KIF21A: variants seen among roughly 807,000 people sequenced by gnomAD.
KIF21A encodes the protein kinesin-like protein KIF21A.
Under a neutral mutation model 202.9 loss-of-function variants are expected in KIF21A, and 114 were observed. The observed-to-expected ratio is 0.56, with a 90% CI of 0.48 to 0.66. The LOEUF (loss-of-function observed/expected upper bound fraction) is 0.66. Ranked by LOEUF, KIF21A falls within the 30% of genes least tolerant of loss-of-function variation. KIF21A has a pLI of 0.00. For synonymous variants in KIF21A, 667 were observed against 670.8 expected, an observed-to-expected ratio of 0.99 and a Z score of 0.09; for missense variants, 1,677 against 1,994.9, an observed-to-expected ratio of 0.84 and a Z score of 3.04.
chr12:39,417,389 GACAAT>G (rs1453876528), intron 1 of KIF21A, among the ~76,000 whole-genome samples: 1 of 152,074 alleles, frequency 6.6e-6, no homozygotes, highest in East Asian at 1.9e-4. Flanking sequence ...CAATGATACT[GACAAT>G]TATAGCTTTT....
At chr12:39,428,726 G>A (rs1239940132) in intron 1 of KIF21A, among the ~76,000 whole-genome samples, 3 of 152,118 alleles carry the variant, frequency 2.0e-5, no homozygotes, top group Admixed American at 6.5e-5. Flanking sequence ...TTGGGAGGCC[G>A]AGGTGGGCGG....
chr12:39,340,507 C>A, intron 15 of KIF21A, 143 bp from the exon 16 acceptor site: 1 of 654,870 alleles, frequency 1.5e-6, no homozygotes, highest in Admixed American at 2.9e-5. Flanking sequence ...CAATCATTCT[C>A]TCTTTTATTA....
At chr12:39,405,859 A>T (rs146877393) in intron 1 of KIF21A, among the ~76,000 whole-genome samples, 1 of 152,244 alleles carries the variant, frequency 6.6e-6, no homozygotes, top group Non-Finnish European at 1.5e-5. Context: ...ATATGCAATA[A>T]GAAAAATAAT....
At chr12:39,407,837 T>C (rs1167453258) in intron 1 of KIF21A, among the ~76,000 whole-genome samples, 1 of 151,154 alleles carries the variant, frequency 6.6e-6, no homozygotes, top group Non-Finnish European at 1.5e-5. Context: ...AACAAAAATC[T>C]CTCTCAATTG....
chr12:39,415,336 T>G (rs967044072), intron 1 of KIF21A, among the ~76,000 whole-genome samples: 1 of 145,434 alleles, frequency 6.9e-6, no homozygotes, highest in Admixed American at 7.1e-5. Flanking sequence ...GCCTCCCGGG[T>G]TCACGCCATT....
intron 1 of KIF21A, among the ~76,000 whole-genome samples, chr12:39,397,153 A>T (rs764831457): frequency 6.6e-6 from 1 of 152,214 alleles, no homozygotes; most frequent in Non-Finnish European, 1.5e-5. Flanking sequence ...TTACTGAACT[A>T]TATACTTGCA....
chr12:39,370,489 G>A (rs570742676), intron 1 of KIF21A, among the ~76,000 whole-genome samples: 11 of 152,130 alleles, frequency 7.2e-5, no homozygotes, highest in African/African-American at 2.2e-4. Context: ...CCAAAATCAT[G>A]AACAAAGTAA....
At chr12:39,364,837 A>G (rs980982123) in intron 6 of KIF21A, among the ~76,000 whole-genome samples, 1 of 152,022 alleles carries the variant, frequency 6.6e-6, no homozygotes. Context: ...CCTGAAACAA[A>G]CCTCTTCTTC....
chr12:39,295,272 C>G (rs1213698052), intron 37 of KIF21A, among the ~76,000 whole-genome samples: 1 of 152,044 alleles, frequency 6.6e-6, no homozygotes, highest in Non-Finnish European at 1.5e-5. Context: ...TTCTGTTGCC[C>G]TCGCAGGTGA....
At chr12:39,363,033 T>G in intron 7 of KIF21A, 65 bp downstream of exon 7, 4 of 1,042,042 alleles carry the variant, frequency 3.8e-6, no homozygotes, top group Non-Finnish European at 4.5e-6. Flanking sequence ...TTATAAATCA[T>G]CTTACAAGCT....
At chr12:39,416,294 C>T (rs972227834) in intron 1 of KIF21A, among the ~76,000 whole-genome samples, 1 of 152,022 alleles carries the variant, frequency 6.6e-6, no homozygotes, top group African/African-American at 2.4e-5. Flanking sequence ...GATTAAAATG[C>T]TCAAGTAAAA....
chr12:39,358,097 G>T, intron 8 of KIF21A, 81 bp downstream of exon 8: 1 of 1,155,966 alleles, frequency 8.7e-7, no homozygotes, highest in Non-Finnish European at 1.3e-6. Context: ...CCAGAAACAC[G>T]TATGTGTAAG....
At chr12:39,419,656 T>C (rs888224313) in intron 1 of KIF21A, among the ~76,000 whole-genome samples, 3 of 152,126 alleles carry the variant, frequency 2.0e-5, no homozygotes, top group Non-Finnish European at 1.5e-5. Flanking sequence ...CCTTCAACCA[T>C]AAGCCCTTTA....
At chr12:39,375,967 A>G (rs1419469153) in intron 1 of KIF21A, among the ~76,000 whole-genome samples, 2 of 152,146 alleles carry the variant, frequency 1.3e-5, no homozygotes, top group Non-Finnish European at 2.9e-5. Context: ...TGTTGTTACA[A>G]CACCACCTGA....
In KIF21A at chr12:39,330,780, A is replaced by G; in HGVS notation, c.3285T>C (p.Pro1095=). The change falls in exon 23 of 38, where the codon CCT becomes CCC. Residue 1095 remains proline, a synonymous_variant. Transcript: ENST00000361418. Reference sequence around the variant, plus strand: ...CATGGCCTAGTAAAGCATCTAGCTCAGGATTTAATTCTGCCTTCTCTTTCA... The same window carrying G: ...CATGGCCTAGTAAAGCATCTAGCTCGGGATTTAATTCTGCCTTCTCTTTCA... ...HMLKEKAELN[P]ELDALLGHAL... 6.2e-7 allele frequency: 1 copy of G among 1,614,040 alleles called. No individual in the cohort carries two copies. The highest frequency in any genetic ancestry group is 1.1e-5 in the South Asian group (1 of 91,086).
chr12:39,335,723 T>C (rs1000196441), intron 17 of KIF21A, among the ~76,000 whole-genome samples: 5 of 152,328 alleles, frequency 3.3e-5, no homozygotes, highest in Non-Finnish European at 7.3e-5. Flanking sequence ...ATAGGCAATA[T>C]GTTAGAATGT....
intron 22 of KIF21A, among the ~76,000 whole-genome samples, chr12:39,331,467 T>C (rs187127797): frequency 2.0e-5 from 3 of 152,326 alleles, no homozygotes; most frequent in African/African-American, 4.8e-5. Context: ...CTTTAAGTTG[T>C]TTATCTGCTC....
At chr12:39,346,141 T>A (rs11171794) in intron 12 of KIF21A, among the ~76,000 whole-genome samples, 1 of 152,118 alleles carries the variant, frequency 6.6e-6, no homozygotes, top group East Asian at 1.9e-4. Flanking sequence ...TTTCTTTTTT[T>A]AATAAATCAA....
chr12:39,426,610 C>G (rs187727704), intron 1 of KIF21A, among the ~76,000 whole-genome samples: 11 of 151,928 alleles, frequency 7.2e-5, no homozygotes, highest in Admixed American at 5.9e-4. Flanking sequence ...CGGTGGCTCA[C>G]GCCTGTAATC....
Sources: allele counts gnomAD v4.1 joint callset (sites outside exome capture counted in the v4.1 genomes callset), GRCh38; gene constraint gnomAD v4.1.1; transcripts MANE v1.5; gene names NCBI Gene and HGNC (gene_info 2026-07-23, HGNC 2026-07-21).